The following LARGE1 variants were observed in gnomAD, a reference collection of about 807,000 sequenced individuals.
The protein encoded by LARGE1 is xylosyl- and glucuronyltransferase LARGE1.
A neutral mutation model predicts 87.6 loss-of-function variants in LARGE1; 43 were observed. The observed-to-expected ratio is 0.49, with a 90% CI of 0.38 to 0.63. LARGE1 has a LOEUF of 0.63. Among genes scored for constraint, LARGE1 ranks in the 30% least tolerant of loss-of-function variants. The pLI is 0.00. For synonymous variants in LARGE1, 434 were observed against 394.6 expected (o/e 1.10, Z -1.18); for missense variants, 802 against 1,000.2 (o/e 0.80, Z 2.67).
intron 12 of LARGE1, among the ~76,000 whole-genome samples, chr22:33,299,274 AAG>A (rs1260338867): frequency 2.7e-5 from 4 of 150,940 alleles, no homozygotes; most frequent in African/African-American, 9.7e-5. Context: ...AAAAGAAAGA[AAG>A]AGAGAGAGAA....
intron 1 of LARGE1, among the ~76,000 whole-genome samples, chr22:33,771,562 C>T (rs369425337): frequency 2.3e-4 from 35 of 152,008 alleles, no homozygotes; most frequent in East Asian, 1.4e-3. Flanking sequence ...AGGGGTATTC[C>T]AGGATTCAAT....
chr22:33,311,631 G>T (rs1031751611), intron 11 of LARGE1, among the ~76,000 whole-genome samples: 1 of 152,136 alleles, frequency 6.6e-6, no homozygotes, highest in Non-Finnish European at 1.5e-5. Context: ...TAAGTAAGTC[G>T]TTCAAACTTA....
intron 6 of LARGE1, among the ~76,000 whole-genome samples, chr22:33,506,865 TA>T (rs2070789411): frequency 6.6e-6 from 1 of 152,128 alleles, no homozygotes; most frequent in African/African-American, 2.4e-5. Context: ...CACGCCATTG[TA>T]CTCCAGCCTG....
At chr22:33,693,360 T>C (rs1603174396) in intron 2 of LARGE1, among the ~76,000 whole-genome samples, 2 of 151,342 alleles carry the variant, frequency 1.3e-5, no homozygotes, top group East Asian at 1.9e-4. Context: ...AATTCATTTT[T>C]ATAGCCAAAA....
In LARGE1 at chr22:33,876,695, C is replaced by A. The variant is rs562976363; in HGVS notation, c.-83+43300G>T. On this transcript the variant is annotated intron_variant, in intron 1 of 14. Transcript: ENST00000397394. The stretch of plus-strand genomic sequence containing the variant: ...GGAGGGAGAGCATTAGGACAAATAC[C>A]TAATGCATGCAGGGCTTAACACCTA... Among the ~76,000 whole-genome samples, 20 of 152,020 alleles carry A rather than the reference C, an allele frequency of 1.3e-4. No individual in the cohort carries two copies. The South Asian group carries it at 4.0e-3, about 30-fold the overall frequency.
intron 1 of LARGE1, among the ~76,000 whole-genome samples, chr22:33,787,812 A>G (rs1352883417): frequency 3.9e-5 from 6 of 152,166 alleles, no homozygotes; most frequent in Non-Finnish European, 7.3e-5. Flanking sequence ...TTCCATTCAG[A>G]TAGCTTTTGG....
chr22:33,235,491 T>A (rs907521688), intron 11 of LARGE1, among the ~76,000 whole-genome samples: 2 of 152,188 alleles, frequency 1.3e-5, no homozygotes, highest in Admixed American at 1.3e-4. Context: ...AACAAACGGA[T>A]CTCTCATGTA....
chr22:33,146,061 A>C, the LARGE1 span, among the ~76,000 whole-genome samples: 1 of 152,222 alleles, frequency 6.6e-6, no homozygotes, highest in Admixed American at 6.5e-5. Flanking sequence ...CTAAGGGACA[A>C]AAATCTTGCT....
At chr22:33,239,617 C>T (rs890763629) in intron 11 of LARGE1, among the ~76,000 whole-genome samples, 2 of 142,042 alleles carry the variant, frequency 1.4e-5, no homozygotes, top group African/African-American at 5.3e-5. Flanking sequence ...CGGCTCACTG[C>T]AACCTCCACC....
At chr22:33,850,424 G>A (rs1445455443) in intron 1 of LARGE1, among the ~76,000 whole-genome samples, 1 of 152,186 alleles carries the variant, frequency 6.6e-6, no homozygotes, top group East Asian at 1.9e-4. Flanking sequence ...GCTGGTGACT[G>A]TGGGTGGGTA....
chr22:33,831,102 T>TC (rs1017352291), intron 1 of LARGE1, among the ~76,000 whole-genome samples: 4 of 146,746 alleles, frequency 2.7e-5, no homozygotes, highest in African/African-American at 1.0e-4. Context: ...TCTTTTTTCT[T>TC]TTTTTTTTTT....
intron 11 of LARGE1, among the ~76,000 whole-genome samples, chr22:33,260,346 T>C (rs1285897664): frequency 2.0e-5 from 3 of 152,200 alleles, no homozygotes; most frequent in Non-Finnish European, 2.9e-5. Flanking sequence ...TTCCTCAGAC[T>C]CTCTTCTTTC....
chr22:33,182,164 T>C (rs137379), intron 11 of LARGE1, among the ~76,000 whole-genome samples: 68,910 of 151,962 alleles, frequency 0.45, 15,965 homozygotes, highest in Middle Eastern at 0.51. Context: ...TAACCAAATA[T>C]TGAAACTAAC....
chr22:33,760,874 C>T (rs552794209), intron 2 of LARGE1, among the ~76,000 whole-genome samples: 13 of 152,074 alleles, frequency 8.5e-5, no homozygotes, highest in Admixed American at 2.0e-4. Flanking sequence ...GAGCCACAAT[C>T]GCGCCACTGC....
intron 9 of LARGE1, among the ~76,000 whole-genome samples, chr22:33,374,426 G>A (rs757879698): frequency 6.6e-6 from 1 of 152,058 alleles, no homozygotes; most frequent in Non-Finnish European, 1.5e-5. Context: ...ATGGAGTTTT[G>A]AAAGCACTAA....
At chr22:33,873,986 T>C (rs1601827989) in intron 1 of LARGE1, among the ~76,000 whole-genome samples, 2 of 149,972 alleles carry the variant, frequency 1.3e-5, no homozygotes. Flanking sequence ...TCCCTCTCTC[T>C]CCCCCTCCTC....
chr22:33,404,883 G>C lies in LARGE1; in HGVS notation c.893-20579C>G, dbSNP rs182906475. On this transcript the variant is annotated intron_variant, in intron 7 of 14. Coordinates refer to ENST00000397394, the MANE Select transcript of LARGE1 (RefSeq NM_133642.5). The stretch of plus-strand genomic sequence containing the variant: ...AAGGAATTTTGCTTCTGTTCAGTGG[G>C]GGGGAAGGAAAGTGTGGTGAAAGCT... 5.1e-4 allele frequency among the ~76,000 whole-genome samples: 78 copies of C among 152,292 alleles called. 1 individual carries two copies. The highest frequency in any genetic ancestry group is 1.8e-3 in the African/African-American group (76 of 41,556).
At chr22:33,839,234 G>A (rs1444335653) in intron 1 of LARGE1, among the ~76,000 whole-genome samples, 4 of 152,172 alleles carry the variant, frequency 2.6e-5, no homozygotes, top group African/African-American at 4.8e-5. Flanking sequence ...GAGCAGACAC[G>A]TCACATGACA....
chr22:33,100,107 G>A, the LARGE1 span, among the ~76,000 whole-genome samples: 22 of 151,892 alleles, frequency 1.4e-4, no homozygotes, highest in African/African-American at 3.6e-4. Context: ...AGGCTGAGGC[G>A]GGTGGATCAC....
Sources: allele counts gnomAD v4.1 joint callset (sites outside exome capture counted in the v4.1 genomes callset), GRCh38; gene constraint gnomAD v4.1.1; transcripts MANE v1.5; gene names NCBI Gene and HGNC (gene_info 2026-07-23, HGNC 2026-07-21).